KCND2: variants seen among roughly 807,000 people sequenced by gnomAD.
KCND2 encodes the protein potassium voltage-gated channel subfamily D member 2.
KCND2 carries 16 observed loss-of-function variants against 54.4 expected under a neutral mutation model. That is an observed-to-expected ratio of 0.29 (90% confidence interval 0.20 to 0.45). The LOEUF (loss-of-function observed/expected upper bound fraction) is 0.45. Among genes scored for constraint, KCND2 ranks in the 20% least tolerant of loss-of-function variants. The probability of loss-of-function intolerance (pLI) is 1.00; values close to 1 mark genes in which losing one functional copy is unlikely to be tolerated. For missense variants in KCND2, 486 were observed against 824.2 expected, an observed-to-expected ratio of 0.59 and a Z score of 5.02; for synonymous variants, 317 against 310.7, an observed-to-expected ratio of 1.02 and a Z score of -0.21.
At position 120,586,082 on chromosome 7, in the gene KCND2, T is replaced by G. The variant is rs1181821577; in HGVS notation, c.1116-146821T>G. Among the ~76,000 whole-genome samples, 3 of 152,138 alleles carry G rather than the reference T, an allele frequency of 2.0e-5. No homozygotes were observed. In the East Asian group the frequency reaches 5.8e-4, roughly 29 times the overall value. The stretch of plus-strand genomic sequence containing the variant: ...CTTGATTTCTATAGATTGTTTTTTC[T>G]ATATAGGAACTATGTGGTCAGATTT... On this transcript the variant is annotated intron_variant, in intron 1 of 5. Transcript: ENST00000331113.
chr7:120,525,247 T>G (rs1791758679), intron 1 of KCND2, among the ~76,000 whole-genome samples: 1 of 152,214 alleles, frequency 6.6e-6, no homozygotes, highest in East Asian at 1.9e-4. Context: ...AATTATAAAC[T>G]ATTCTTTGGA....
chr7:120,543,642 C>A (rs1792009676), intron 1 of KCND2, among the ~76,000 whole-genome samples: 1 of 151,912 alleles, frequency 6.6e-6, no homozygotes, highest in Non-Finnish European at 1.5e-5. Context: ...TATGTCTAAA[C>A]CTATGAGCTT....
At chr7:120,560,478 G>A (rs1441074149) in intron 1 of KCND2, among the ~76,000 whole-genome samples, 1 of 152,134 alleles carries the variant, frequency 6.6e-6, no homozygotes, top group African/African-American at 2.4e-5. Context: ...AAATGATAGG[G>A]ATTCAGTTTC....
chr7:120,397,404 C>A (rs140932553), intron 1 of KCND2, among the ~76,000 whole-genome samples: 5 of 152,000 alleles, frequency 3.3e-5, no homozygotes, highest in Admixed American at 2.6e-4. Flanking sequence ...GGTCTTTTGG[C>A]CACAACTACA....
At chr7:120,649,380 GC>G (rs933994276) in intron 1 of KCND2, among the ~76,000 whole-genome samples, 29 of 152,080 alleles carry the variant, frequency 1.9e-4, no homozygotes, top group African/African-American at 6.7e-4. Context: ...AGACTATAAT[GC>G]TCAAAAGATA....
chr7:120,677,818 T>C (rs951670131), intron 1 of KCND2, among the ~76,000 whole-genome samples: 1 of 152,172 alleles, frequency 6.6e-6, no homozygotes, highest in Admixed American at 6.5e-5. Flanking sequence ...GATTGCAATA[T>C]AAATAAGATA....
chr7:120,368,912 A>G (rs559248217), intron 1 of KCND2, among the ~76,000 whole-genome samples: 2 of 152,162 alleles, frequency 1.3e-5, no homozygotes, highest in Non-Finnish European at 2.9e-5. Context: ...ACTTAATCAG[A>G]TTTCAGTTAT....
intron 1 of KCND2, among the ~76,000 whole-genome samples, chr7:120,551,756 A>G (rs1347531634): frequency 1.3e-5 from 2 of 152,200 alleles, no homozygotes; most frequent in African/African-American, 4.8e-5. Context: ...TGATAGCCAC[A>G]GCCTGTAACC....
At position 120,417,021 on chromosome 7, in the gene KCND2, T is replaced by G. The variant is rs148747285; in HGVS notation, c.1115+141274T>G. On this transcript the variant is annotated intron_variant, in intron 1 of 5. Transcript: ENST00000331113. ...CCACCATGCCCAGCTAATTTTTGTA[T>G]TTTTAGTAGCGATGGGGCTTCACCA... Among the ~76,000 whole-genome samples the G allele has an allele frequency of 1.1e-3, 165 of 152,184 alleles. 1 individual carries two copies. The highest frequency in any genetic ancestry group is 3.6e-3 in the African/African-American group (151 of 41,512).
chr7:120,337,499 T>C (rs376875299), intron 1 of KCND2, among the ~76,000 whole-genome samples: 2 of 152,196 alleles, frequency 1.3e-5, no homozygotes, highest in East Asian at 1.9e-4. Context: ...CTGGGTTCTG[T>C]TAATGAGTAG....
At chr7:120,401,350 T>C (rs1385615426) in intron 1 of KCND2, among the ~76,000 whole-genome samples, 1 of 152,150 alleles carries the variant, frequency 6.6e-6, no homozygotes, top group Non-Finnish European at 1.5e-5. Flanking sequence ...ACTAGGGAAG[T>C]ATGTGCTGTT....
intron 1 of KCND2, among the ~76,000 whole-genome samples, chr7:120,416,072 A>G (rs1414349174): frequency 6.6e-6 from 1 of 152,138 alleles, no homozygotes; most frequent in East Asian, 1.9e-4. Context: ...GCTGCCATCT[A>G]TCTTCTCTTG....
At chr7:120,606,184 A>AAGT (rs1478853750) in intron 1 of KCND2, among the ~76,000 whole-genome samples, 1 of 152,138 alleles carries the variant, frequency 6.6e-6, no homozygotes. Flanking sequence ...ACCCATTCTC[A>AAGT]AGTGGCAGTA....
chr7:120,704,626 A>T (rs1195642103), intron 1 of KCND2, among the ~76,000 whole-genome samples: 1 of 152,232 alleles, frequency 6.6e-6, no homozygotes, highest in African/African-American at 2.4e-5. Context: ...AACACGTAAT[A>T]ACAAGGGAAT....
At position 120,303,146 on chromosome 7, in the gene KCND2, C is replaced by G. The variant is rs73722556; in HGVS notation, c.1115+27399C>G. On this transcript the variant is annotated intron_variant, in intron 1 of 5. Transcript: ENST00000331113. ...AGATGGATATTACAAGTCAAAATGA[C>G]TAGAAAAACTGTCTTGTCAGTAACA... Among the ~76,000 whole-genome samples the G allele has an allele frequency of 4.9e-3, 741 of 152,054 alleles. 10 individuals carry two copies. The highest frequency in any genetic ancestry group is 0.017 in the African/African-American group (705 of 41,468).
Position 120,389,453 on chromosome 7 carries a change from C to T in KCND2, c.1115+113706C>T, listed in dbSNP as rs114361277. Among the ~76,000 whole-genome samples the T allele has an allele frequency of 8.7e-3, 1,316 of 151,798 alleles. 17 individuals are homozygous for T. Among genetic ancestry groups the T allele is most frequent in the African/African-American group, 0.03 (1,244 of 41,486 alleles). ...TATTAACTATGGTCCTCATACCATA[C>T]GTTAGATTTTTAGGTTTCTTTATCT... On this transcript the variant is annotated intron_variant, in intron 1 of 5. Transcript: ENST00000331113.
intron 1 of KCND2, among the ~76,000 whole-genome samples, chr7:120,390,060 A>G (rs1801050137): frequency 6.6e-6 from 1 of 151,932 alleles, no homozygotes; most frequent in African/African-American, 2.4e-5. Context: ...TGAGGGGAAA[A>G]TCAACACGTT....
Position 120,274,615 on chromosome 7 carries a change from C to T in KCND2, c.-18C>T. On this transcript the variant is annotated 5_prime_UTR_variant, in exon 1 of 6. Transcript: ENST00000331113. ...TGTAGACGCCTCGTTACCCTTCTTC[C>T]TTCCGCTTCAAGTAATCATGGCGGC... The T allele has an allele frequency of 1.2e-6, 2 of 1,614,140 alleles. No individual in the cohort carries two copies. The highest frequency in any genetic ancestry group is 8.5e-7 in the Non-Finnish European group (1 of 1,180,030).
At chr7:120,329,538 GA>G (rs1241738945) in intron 1 of KCND2, among the ~76,000 whole-genome samples, 2 of 151,844 alleles carry the variant, frequency 1.3e-5, no homozygotes, top group African/African-American at 2.4e-5. Context: ...CATTTTGAAG[GA>G]AAAAAACTGT....
Sources: allele counts gnomAD v4.1 joint callset (sites outside exome capture counted in the v4.1 genomes callset), GRCh38; gene constraint gnomAD v4.1.1; transcripts MANE v1.5; gene names NCBI Gene and HGNC (gene_info 2026-07-23, HGNC 2026-07-21).